The following PPHLN1 variants were observed in gnomAD, a reference collection of about 807,000 sequenced individuals.
PPHLN1 encodes periphilin 1.
In PPHLN1, 29 loss-of-function variants were observed where a neutral mutation model predicts 51.3. The ratio of observed to expected loss-of-function variants is 0.57; its 90% CI spans 0.42 to 0.77. The LOEUF (loss-of-function observed/expected upper bound fraction) is 0.77. Among genes scored for constraint, PPHLN1 ranks in the 30% least tolerant of loss-of-function variants. The pLI is 0.00. For synonymous variants in PPHLN1, 147 were observed against 147.8 expected, an observed-to-expected ratio of 0.99 and a Z score of 0.04; for missense variants, 436 against 438.4, an observed-to-expected ratio of 0.99 and a Z score of 0.05.
At chr12:42,348,276 A>ATTTTTTTTTTTTTTTT (rs1213561958) in intron 2 of PPHLN1, among the ~76,000 whole-genome samples, 2 of 85,610 alleles carry the variant, frequency 2.3e-5, no homozygotes, top group African/African-American at 9.8e-5. Flanking sequence ...CACCTGGCTA[A>ATTTTTTTTTTTTTTTT]TTTTTTTTTT....
intron 9 of PPHLN1, among the ~76,000 whole-genome samples, chr12:42,413,890 G>T (rs1219682819): frequency 6.6e-6 from 1 of 151,662 alleles, no homozygotes; most frequent in Non-Finnish European, 1.5e-5. Context: ...AATATAATTT[G>T]AAGCCAGGTA....
intron 1 of PPHLN1, among the ~76,000 whole-genome samples, chr12:42,329,256 C>T (rs1269777400): frequency 2.0e-5 from 3 of 151,926 alleles, no homozygotes; most frequent in Non-Finnish European, 4.4e-5. Context: ...CGCCCACCAC[C>T]GCCCCCGGCT....
At chr12:42,446,070 C>T (rs1269845744), downstream of PPHLN1, 45 of 1,546,960 alleles carry the variant, frequency 2.9e-5, no homozygotes, top group Middle Eastern at 1.7e-4. Flanking sequence ...CTGCAGGCCC[C>T]GCAGCCCCCG....
chr12:42,411,328 C>T (rs1018994449), intron 9 of PPHLN1, among the ~76,000 whole-genome samples: 1 of 129,386 alleles, frequency 7.7e-6, no homozygotes, highest in African/African-American at 2.9e-5. Flanking sequence ...ACACTTGTGG[C>T]TGACTGCCGC....
intron 9 of PPHLN1, among the ~76,000 whole-genome samples, chr12:42,426,065 T>C (rs2139768970): frequency 6.6e-6 from 1 of 152,314 alleles, no homozygotes; most frequent in Admixed American, 6.5e-5. Context: ...GACCTATTTA[T>C]TTCTATCTTA....
chr12:42,387,446 TC>T lies in PPHLN1; in HGVS notation c.569-9del, dbSNP rs1296050709. The T allele has an allele frequency of 3.1e-6, 5 of 1,592,050 alleles. No individual in the cohort carries two copies. The Admixed American group carries it at 9.1e-5, about 29-fold the overall frequency. Reference sequence around the variant, plus strand: ...AGAAAAAAAATTACATCTTATGTTTTCTTATATAGATAAAGAGAGGCCTGTC... The same window carrying T: ...AGAAAAAAAATTACATCTTATGTTTTTTATATAGATAAAGAGAGGCCTGTC... On this transcript the variant is annotated splice_polypyrimidine_tract_variant and intron_variant, in intron 6 of 9. Transcript: ENST00000358314.
chr12:42,419,515 T>C (rs2708063), intron 9 of PPHLN1, among the ~76,000 whole-genome samples: 45,111 of 152,164 alleles, frequency 0.3, 7,764 homozygotes, highest in Non-Finnish European at 0.38. Context: ...ATTACAGGCG[T>C]GAGCCACCAC....
chr12:42,411,938 A>T (rs1271383668), intron 9 of PPHLN1, among the ~76,000 whole-genome samples: 1 of 125,228 alleles, frequency 8.0e-6, no homozygotes, highest in African/African-American at 3.0e-5. Context: ...TGGGCGCGGT[A>T]TCTCACGCCT....
At chr12:42,430,326 GA>G (rs2081929320) in intron 9 of PPHLN1, among the ~76,000 whole-genome samples, 2 of 151,508 alleles carry the variant, frequency 1.3e-5, no homozygotes, top group Admixed American at 1.3e-4. Flanking sequence ...ACAACTCAGG[GA>G]TTTGTGATGC....
At chr12:42,358,060 ATTC>A (rs574719856) in intron 4 of PPHLN1, among the ~76,000 whole-genome samples, 2 of 152,176 alleles carry the variant, frequency 1.3e-5, no homozygotes, top group Non-Finnish European at 2.9e-5. Flanking sequence ...ACATGATTTC[ATTC>A]TTTTTTTATG....
chr12:42,412,188 G>A (rs2079924856), intron 9 of PPHLN1, among the ~76,000 whole-genome samples: 1 of 152,104 alleles, frequency 6.6e-6, no homozygotes, highest in East Asian at 1.9e-4. Flanking sequence ...CTGGGCGACA[G>A]AGCGAGACTC....
In PPHLN1 at chr12:42,400,706, A is replaced by G. The variant is rs2078741195; in HGVS notation, c.909+1712A>G. Among the ~76,000 whole-genome samples, 3 of 151,728 alleles carry G rather than the reference A, an allele frequency of 2.0e-5. No homozygotes were observed. In the South Asian group the frequency reaches 6.3e-4, roughly 32 times the overall value. On this transcript the variant is annotated intron_variant, in intron 9 of 9. Coordinates refer to ENST00000358314, the MANE Select transcript of PPHLN1 (RefSeq NM_201439.2). ...CTTAAAAGGAGAGGTTCTCTTAAGA[A>G]TGTAACTGGTAGAAAAACTTGATTG...
intron 9 of PPHLN1, among the ~76,000 whole-genome samples, chr12:42,421,000 A>C (rs936573461): frequency 4.6e-5 from 7 of 151,980 alleles, no homozygotes; most frequent in Non-Finnish European, 8.8e-5. Context: ...CCAAGGAATA[A>C]TTTTTATTGA....
intron 7 of PPHLN1, among the ~76,000 whole-genome samples, chr12:42,389,171 GA>G (rs1420052732): frequency 3.3e-5 from 5 of 152,170 alleles, no homozygotes; most frequent in African/African-American, 1.2e-4. Context: ...AAGAGATCGA[GA>G]CCATCCTGGC....
intron 4 of PPHLN1, among the ~76,000 whole-genome samples, chr12:42,370,121 A>G (rs2075665027): frequency 6.6e-6 from 1 of 152,214 alleles, no homozygotes; most frequent in South Asian, 2.1e-4. Flanking sequence ...CTTACATGCT[A>G]GTGAGCTTCT....
At chr12:42,375,285 C>CT in intron 5 of PPHLN1, 1 of 289,066 alleles carries the variant, frequency 3.5e-6, no homozygotes, top group Non-Finnish European at 6.4e-6. Flanking sequence ...CTGCATGACA[C>CT]TTACCTTTAA....
intron 4 of PPHLN1, among the ~76,000 whole-genome samples, chr12:42,360,726 C>T (rs933479339): frequency 2.0e-5 from 3 of 152,074 alleles, no homozygotes; most frequent in Non-Finnish European, 4.4e-5. Context: ...AACTCCTAAC[C>T]TCGTGATCTG....
intron 9 of PPHLN1, among the ~76,000 whole-genome samples, chr12:42,419,311 G>A (rs374960886): frequency 1.7e-4 from 25 of 151,376 alleles, no homozygotes; most frequent in East Asian, 1.2e-3. Flanking sequence ...GTGTGATCTC[G>A]GCTCACTGCA....
chr12:42,414,628 T>C (rs2080204556), intron 9 of PPHLN1, among the ~76,000 whole-genome samples: 1 of 152,246 alleles, frequency 6.6e-6, no homozygotes, highest in African/African-American at 2.4e-5. Context: ...ACACTGATTT[T>C]GTAACCTGAG....
Sources: allele counts gnomAD v4.1 joint callset (sites outside exome capture counted in the v4.1 genomes callset), GRCh38; gene constraint gnomAD v4.1.1; transcripts MANE v1.5; gene names NCBI Gene and HGNC (gene_info 2026-07-23, HGNC 2026-07-21).